NEBL: variants seen among roughly 807,000 people sequenced by gnomAD.
The protein encoded by NEBL is LIM and SH3 protein 2.
NEBL carries 122 observed loss-of-function variants against 140.2 expected under a neutral mutation model. The observed-to-expected ratio is 0.87, with a 90% CI of 0.75 to 1.01. The LOEUF is 1.01. Ranked by LOEUF, NEBL falls within the 50% of genes least tolerant of loss-of-function variation. The probability of loss-of-function intolerance (pLI) is 0.00; values close to 1 mark genes in which losing one functional copy is unlikely to be tolerated. For synonymous variants in NEBL, 436 were observed against 398.9 expected (o/e 1.09, Z -1.11); for missense variants, 1,365 against 1,231.3 (o/e 1.11, Z -1.62).
intron 4 of NEBL, among the ~76,000 whole-genome samples, chr10:20,906,479 TCAAAA>T (rs1386114819): frequency 8.5e-4 from 130 of 152,262 alleles, no homozygotes; most frequent in African/African-American, 3.1e-3. Context: ...TAAGATAATA[TCAAAA>T]TAAAATTATA....
chr10:21,109,900 C>G (rs1457989746), intron 2 of NEBL, among the ~76,000 whole-genome samples: 1 of 152,060 alleles, frequency 6.6e-6, no homozygotes, highest in Non-Finnish European at 1.5e-5. Context: ...CTCTTATCTT[C>G]TTTACTAGTC....
chr10:20,951,807 T>G (rs1170060725), intron 4 of NEBL, among the ~76,000 whole-genome samples: 1 of 152,234 alleles, frequency 6.6e-6, no homozygotes, highest in African/African-American at 2.4e-5. Context: ...ACTGTGGCTA[T>G]GTCCCAAAAG....
intron 2 of NEBL, chr10:21,029,972 A>G (rs925430669): frequency 2.5e-5 from 12 of 474,214 alleles, no homozygotes; most frequent in Middle Eastern, 6.7e-4. Context: ...TATAGGTATA[A>G]TGATAGACGT....
At chr10:21,151,268 C>T (rs549503456) in intron 2 of NEBL, among the ~76,000 whole-genome samples, 4 of 152,316 alleles carry the variant, frequency 2.6e-5, no homozygotes. Flanking sequence ...GACTTTGTCA[C>T]TGATGATGAC....
At chr10:21,118,867 G>A (rs1372181611) in intron 2 of NEBL, among the ~76,000 whole-genome samples, 3 of 151,996 alleles carry the variant, frequency 2.0e-5, no homozygotes, top group African/African-American at 7.2e-5. Context: ...ATACAACATT[G>A]GGTGTTACAG....
chr10:20,922,959 C>A (rs565945503), intron 4 of NEBL, among the ~76,000 whole-genome samples: 1 of 152,314 alleles, frequency 6.6e-6, no homozygotes, highest in African/African-American at 2.4e-5. Context: ...TAGGGAAGCA[C>A]TTTTCCTTCC....
chr10:21,152,457 C>T (rs1006830061), intron 2 of NEBL, among the ~76,000 whole-genome samples: 1 of 152,120 alleles, frequency 6.6e-6, no homozygotes, highest in Non-Finnish European at 1.5e-5. Context: ...CAAACCTCAG[C>T]ATAAATCCGC....
chr10:21,205,532 G>A (rs1841810640), intron 3 of NEBL, among the ~76,000 whole-genome samples: 1 of 151,892 alleles, frequency 6.6e-6, no homozygotes, highest in African/African-American at 2.4e-5. Flanking sequence ...CATGATGTAA[G>A]CAAAAAAACA....
intron 2 of NEBL, among the ~76,000 whole-genome samples, chr10:21,096,971 A>C (rs1837218134): frequency 6.6e-6 from 1 of 151,616 alleles, no homozygotes; most frequent in South Asian, 2.1e-4. Flanking sequence ...TCAATCAAAA[A>C]TCTCCAAGGC....
chr10:20,847,922 C>G (rs1842103755), intron 11 of NEBL, among the ~76,000 whole-genome samples: 1 of 152,162 alleles, frequency 6.6e-6, no homozygotes, highest in Non-Finnish European at 1.5e-5. Context: ...CGTTGAAAAT[C>G]AGGTCCGATT....
chr10:21,243,974 A>G (rs562102924), intron 3 of NEBL, among the ~76,000 whole-genome samples: 210 of 150,228 alleles, frequency 1.4e-3, no homozygotes, highest in East Asian at 6.1e-4. Flanking sequence ...AAGGGAGGGA[A>G]GGGAGGGAAG....
At chr10:20,948,727 A>T (rs1376361728) in intron 4 of NEBL, among the ~76,000 whole-genome samples, 1 of 152,218 alleles carries the variant, frequency 6.6e-6, no homozygotes, top group Non-Finnish European at 1.5e-5. Flanking sequence ...CTGTATTACA[A>T]CCTGCAGGAT....
intron 2 of NEBL, among the ~76,000 whole-genome samples, chr10:21,249,407 C>T (rs1842559675): frequency 6.6e-6 from 1 of 151,942 alleles, no homozygotes; most frequent in South Asian, 2.1e-4. Context: ...GTCTATTTTT[C>T]TTTTGTTGCC....
At chr10:20,929,526 C>T (rs1834077104) in intron 4 of NEBL, among the ~76,000 whole-genome samples, 1 of 152,136 alleles carries the variant, frequency 6.6e-6, no homozygotes, top group South Asian at 2.1e-4. Flanking sequence ...CAGACAGATG[C>T]CCTTGCATCT....
chr10:21,070,501 C>T (rs1196950546), intron 2 of NEBL, among the ~76,000 whole-genome samples: 1 of 152,126 alleles, frequency 6.6e-6, no homozygotes, highest in Admixed American at 6.6e-5. Flanking sequence ...TGGACTAAAT[C>T]ATGCTGTTTT....
rs1477836971 is a variant in NEBL at position 20,781,161 on chromosome 10, C to T, written c.*4586G>A. On this transcript the variant is annotated 3_prime_UTR_variant, in exon 28 of 28. Coordinates refer to ENST00000377122, the MANE Select transcript of NEBL (RefSeq NM_006393.3). ...GAAAAAAATATGAATTAAAGCATTT[C>T]TACTAAAATATATTTTAATAGCTGG... is the stretch of plus-strand genomic sequence containing the variant. The T allele has an allele frequency of 6.6e-6, 1 of 152,578 alleles. No individual in the cohort carries two copies. The highest frequency in any genetic ancestry group is 1.5e-5 in the Non-Finnish European group (1 of 68,032). The allele number at this position is 152,578 out of a possible 1,614,324, so 9.5% of individuals were successfully genotyped here.
In NEBL at chr10:20,845,341, CCTT is replaced by C. The variant is rs761382237; in HGVS notation, c.1141_1143del (p.Lys381del). ...TCCAGTGATGACCTTCCTTTAATCT[CCTT>C]CTCAAAATCCTCTTTGTAAACTTTC... On this transcript the variant is annotated inframe_deletion, in exon 12 of 28. Coordinates refer to ENST00000377122, the MANE Select transcript of NEBL (RefSeq NM_006393.3). 3.3e-5 allele frequency: 53 copies of C among 1,602,336 alleles called. No homozygotes were observed. In the South Asian group the frequency reaches 5.8e-4, roughly 18 times the overall value.
rs1434876707 is a variant in NEBL, at chr10:20,783,224, A to G, written c.*2523T>C. ...AAAATAGCACTTTGGTTTTATACAT[A>G]TAATTTTCCAATATTTCTCCTGAGA... On this transcript the variant is annotated 3_prime_UTR_variant, in exon 28 of 28. Transcript: ENST00000377122. The G allele has an allele frequency of 6.6e-6, 1 of 152,210 alleles. No homozygotes were observed. The highest frequency in any genetic ancestry group is 2.4e-5 in the African/African-American group (1 of 41,422). The allele number at this position is 152,210 out of a possible 1,614,324, so 9.4% of individuals were successfully genotyped here. A position where few individuals can be genotyped will look rare whatever the true frequency, so the allele number is the denominator to read the frequency against.
intron 3 of NEBL, among the ~76,000 whole-genome samples, chr10:20,978,721 C>G (rs371180860): frequency 1.3e-5 from 2 of 151,254 alleles, no homozygotes; most frequent in Non-Finnish European, 2.9e-5. Context: ...TGCCACTGCA[C>G]TCCAGCCTGG....
Sources: allele counts gnomAD v4.1 joint callset (sites outside exome capture counted in the v4.1 genomes callset), GRCh38; gene constraint gnomAD v4.1.1; transcripts MANE v1.5; gene names NCBI Gene and HGNC (gene_info 2026-07-23, HGNC 2026-07-21).